USP4: variants seen among roughly 807,000 people sequenced by gnomAD.
The protein encoded by USP4 is ubiquitin specific peptidase 4, also known as ubiquitin carboxyl-terminal hydrolase 4.
In USP4, 72 loss-of-function variants were observed where a neutral mutation model predicts 118.2. That is an observed-to-expected ratio of 0.61 (90% CI 0.50 to 0.74). The LOEUF (loss-of-function observed/expected upper bound fraction) is 0.74. USP4 is among the 30% of genes least tolerant of loss of function. The pLI is 0.00. For missense variants in USP4, 1,037 were observed against 1,185.7 expected, an observed-to-expected ratio of 0.87 and a Z score of 1.84; for synonymous variants, 415 against 440.4, an observed-to-expected ratio of 0.94 and a Z score of 0.72.
chr3:49,331,482 C>T (rs1463586472), intron 2 of USP4, among the ~76,000 whole-genome samples: 1 of 151,784 alleles, frequency 6.6e-6, no homozygotes, highest in Non-Finnish European at 1.5e-5. Context: ...TTAGCCAGAA[C>T]TGGTGGTGCA....
chr3:49,308,406 G>A (rs1046409623), intron 8 of USP4, among the ~76,000 whole-genome samples: 6 of 151,920 alleles, frequency 3.9e-5, no homozygotes, highest in African/African-American at 9.7e-5. Flanking sequence ...TGCAACCTCC[G>A]CCTCCCGGGA....
chr3:49,291,685 A>G (rs1222364365), intron 15 of USP4, among the ~76,000 whole-genome samples: 1 of 151,972 alleles, frequency 6.6e-6, no homozygotes, highest in Admixed American at 6.6e-5. Flanking sequence ...AGTCCCAAAA[A>G]GAAGAGTGAC....
chr3:49,289,521 T>C lies in USP4; in HGVS notation c.1972+2989A>G, dbSNP rs182075630. Among the ~76,000 whole-genome samples the C allele has an allele frequency of 7.2e-5, 11 of 152,300 alleles. 1 individual carries two copies. In the East Asian group the frequency reaches 2.1e-3, roughly 29 times the overall value. On this transcript the variant is annotated intron_variant, in intron 15 of 21. Transcript: ENST00000265560. ...TGCTGCTGGACCTATAAACAAAATG[T>C]ATTCCTACTTATCCCTAGCGGGAAA...
Position 49,286,175 on chromosome 3 carries a change from G to A in USP4, c.2123C>T (p.Thr708Ile), listed in dbSNP as rs140439154. Residue 708 changes from threonine to isoleucine, a missense_variant, in exon 16 of 22, where the codon ACC becomes ATC. This residue lies in a region of USP4 where 522 missense variants were observed against 592.6 expected (regional missense o/e 0.88). Transcript: ENST00000265560. Reference protein sequence around the residue: ...KGQPCPKRLFTFSLVNSYGTA... With the variant: ...KGQPCPKRLFIFSLVNSYGTA... The stretch of plus-strand genomic sequence containing the variant: ...TCCATAGGAGTTCACAAGACTGAAG[G>A]TAAAAAGCCTTTTTGGGCAGGGCTG... The A allele has an allele frequency of 2.5e-6, 4 of 1,614,162 alleles. No homozygotes were observed. Among genetic ancestry groups the A allele is most frequent in the Non-Finnish European group, 3.4e-6 (4 of 1,180,020 alleles).
chr3:49,338,594 G>T (rs1452909022), intron 1 of USP4, among the ~76,000 whole-genome samples: 1 of 150,474 alleles, frequency 6.6e-6, no homozygotes, highest in Non-Finnish European at 1.5e-5. Flanking sequence ...CATGGGAGGG[G>T]GAGGTTGCCG....
intron 2 of USP4, among the ~76,000 whole-genome samples, chr3:49,329,321 G>GT (rs1360793513): frequency 1.3e-5 from 2 of 152,070 alleles, no homozygotes; most frequent in Admixed American, 6.6e-5. Flanking sequence ...GAAGTCATCC[G>GT]TAAGTGTTGG....
At chr3:49,316,038 T>C (rs942631977) in intron 6 of USP4, among the ~76,000 whole-genome samples, 2 of 151,968 alleles carry the variant, frequency 1.3e-5, no homozygotes, top group Admixed American at 6.6e-5. Flanking sequence ...ACCCCATCTC[T>C]ACTAAAAATA....
intron 4 of USP4, 59 bp from the exon 5 acceptor site, chr3:49,325,098 C>T (rs933279674): frequency 5.7e-6 from 9 of 1,578,970 alleles, no homozygotes; most frequent in African/African-American, 1.4e-5. Flanking sequence ...TAAAGACAGC[C>T]ATGGCAAACT....
At position 49,311,516 on chromosome 3, in the gene USP4, C is replaced by A. The variant is rs149837279; in HGVS notation, c.834G>T (p.Arg278Ser). The A allele has an allele frequency of 1.9e-6, 3 of 1,613,256 alleles. No individual in the cohort carries two copies. The highest frequency in any genetic ancestry group is 2.2e-5 in the East Asian group (1 of 44,864). Residue 278 changes from arginine (R) to serine (S), a missense_variant and splice_region_variant, in exon 7 of 22, where the codon AGG (arginine) becomes AGT (serine). Arg to Ser is a moderately radical substitution (Grantham distance 110). Around this residue, in one of 3 missense-constraint regions of USP4, gnomAD observed 487 missense variants for 534.1 expected, o/e 0.91. Transcript: ENST00000265560. ...AGAGTGAAAGGACCTGCTCTTACCCCCTGCTGACACCGGAACTGTGCATCC... is the reference window on the plus strand; with the variant it reads ...AGAGTGAAAGGACCTGCTCTTACCCACTGCTGACACCGGAACTGTGCATCC... The part of the protein sequence containing the change: ...TCGMHSSGVS[R>S]GGSGFSASYN...
intron 19 of USP4, among the ~76,000 whole-genome samples, chr3:49,281,472 A>T (rs1464507676): frequency 8.3e-6 from 1 of 120,094 alleles, no homozygotes; most frequent in Non-Finnish European, 1.7e-5. Context: ...GAAAAAAAGT[A>T]TGTGTATATA....
intron 7 of USP4, among the ~76,000 whole-genome samples, chr3:49,311,137 A>G (rs1237103232): frequency 6.6e-6 from 1 of 151,206 alleles, no homozygotes; most frequent in Non-Finnish European, 1.5e-5. Flanking sequence ...CATCTATGCC[A>G]TGTGGCAGGT....
intron 13 of USP4, among the ~76,000 whole-genome samples, chr3:49,297,370 A>G (rs2047221054): frequency 6.6e-6 from 1 of 152,238 alleles, no homozygotes. Flanking sequence ...GAAGAAACTC[A>G]GTCTCAGAGC....
At chr3:49,324,087 C>T (rs1472354495) in intron 6 of USP4, among the ~76,000 whole-genome samples, 5 of 152,096 alleles carry the variant, frequency 3.3e-5, no homozygotes, top group African/African-American at 1.2e-4. Context: ...CAGCCTTCAC[C>T]TCCTGGATTC....
chr3:49,308,609 A>C (rs2047346149), intron 8 of USP4, among the ~76,000 whole-genome samples: 1 of 150,960 alleles, frequency 6.6e-6, no homozygotes, highest in Non-Finnish European at 1.5e-5. Flanking sequence ...GTGAGCCACC[A>C]CACCCTGCCA....
At chr3:49,296,110 T>A (rs1456225666) in intron 13 of USP4, among the ~76,000 whole-genome samples, 4 of 150,904 alleles carry the variant, frequency 2.7e-5, no homozygotes, top group Non-Finnish European at 5.9e-5. Context: ...GGGGGACGGA[T>A]TACGAGGTCA....
At chr3:49,331,969 CAAAAAA>C (rs35594824) in intron 2 of USP4, among the ~76,000 whole-genome samples, 2 of 105,870 alleles carry the variant, frequency 1.9e-5, no homozygotes, top group African/African-American at 6.9e-5. Context: ...CCCATCTCTA[CAAAAAA>C]AAAAAAAAAA....
At chr3:49,319,869 G>A (rs994357125) in intron 6 of USP4, among the ~76,000 whole-genome samples, 5 of 151,884 alleles carry the variant, frequency 3.3e-5, no homozygotes, top group African/African-American at 7.3e-5. Context: ...ACCCACCTCC[G>A]CCTCCCAAAG....
intron 2 of USP4, among the ~76,000 whole-genome samples, chr3:49,331,392 G>A (rs993664161): frequency 4.0e-5 from 6 of 151,582 alleles, no homozygotes; most frequent in East Asian, 1.9e-4. Context: ...AGGTCAAGGC[G>A]GGTGGATCAC....
In USP4 at chr3:49,327,775, AT is replaced by A; in HGVS notation, c.270del (p.Glu90AspfsTer16). 1 of 1,613,956 alleles carries A rather than the reference AT, an allele frequency of 6.2e-7. No homozygotes were observed. Among genetic ancestry groups the A allele is most frequent in the Non-Finnish European group, 8.5e-7 (1 of 1,179,854 alleles). ...TCGGTAGGGACCAATACATAGTCCA[AT>A]TCATCAATTAAGTGTTCTTTCAAGG... ...SQTLKEHLID[E>X]LDYVLVPTEA... On this transcript the variant is annotated frameshift_variant, in exon 3 of 22. Coordinates refer to ENST00000265560, the MANE Select transcript of USP4 (RefSeq NM_003363.4). LOFTEE classifies it high-confidence loss of function.
Sources: gnomAD v4.1 joint callset for allele counts (sites outside exome capture counted in the v4.1 genomes callset) on GRCh38, gnomAD v4.1.1 for gene constraint, gnomAD v4.1.1 regional missense constraint, MANE v1.5 for transcripts, NCBI Gene and HGNC (gene_info 2026-07-23, HGNC 2026-07-21) for gene names.